The following CLEC10A variants were observed in gnomAD, a reference collection of about 807,000 sequenced individuals.
CLEC10A encodes C-type lectin domain family 10 member A.
Under a neutral mutation model 42.0 loss-of-function variants are expected in CLEC10A, and 38 were observed. The ratio of observed to expected loss-of-function variants is 0.90; its 90% CI spans 0.70 to 1.18. The LOEUF is 1.18. Among genes scored for constraint, CLEC10A ranks in the 50% most tolerant of loss-of-function variants. The pLI, the probability that CLEC10A is intolerant of heterozygous loss-of-function variation, is 0.00. For missense variants in CLEC10A, 298 were observed against 345.9 expected (o/e 0.86, Z 1.10); for synonymous variants, 126 against 139.9 (o/e 0.90, Z 0.70).
intron 5 of CLEC10A, 197 bp from the exon 6 acceptor site, chr17:7,076,268 G>T: frequency 2.3e-6 from 2 of 857,504 alleles, no homozygotes; most frequent in Non-Finnish European, 3.4e-6. Context: ...TCTCCAGCCT[G>T]CTCTCCAGAG....
At chr17:7,077,716 A>ATTC (rs1911910101) in intron 3 of CLEC10A, among the ~76,000 whole-genome samples, 1 of 53,544 alleles carries the variant, frequency 1.9e-5, no homozygotes. Context: ...CCCTACCGTT[A>ATTC]CCATCAATCA....
intron 1 of CLEC10A, among the ~76,000 whole-genome samples, chr17:7,079,288 C>T (rs887290245): frequency 2.0e-5 from 3 of 151,970 alleles, no homozygotes; most frequent in African/African-American, 7.2e-5. Context: ...GAAGTAGGAG[C>T]TGGGTGGGGG....
In CLEC10A at chr17:7,078,040, G is replaced by T; in HGVS notation, c.141C>A (p.Leu47=). Residue 47 remains leucine, a synonymous_variant, in exon 3 of 9, where the codon CTC becomes CTA. Coordinates refer to ENST00000416562, the MANE Select transcript of CLEC10A (RefSeq NM_001330070.2). ...AGATGATGACCAGCAGCAGGAGGCC[G>T]AGGCCCAGGGACAGCAGGAGATGGC... ...GPCHLLLSLG[L]GLLLLVIICV... 1 of 1,614,002 alleles carries T rather than the reference G, an allele frequency of 6.2e-7. No individual in the cohort carries two copies. Among genetic ancestry groups the T allele is most frequent in the East Asian group, 2.2e-5 (1 of 44,870 alleles).
intron 3 of CLEC10A, 146 bp from the exon 4 acceptor site, chr17:7,077,133 G>A (rs1469816894): frequency 1.4e-5 from 9 of 646,322 alleles, no homozygotes; most frequent in Non-Finnish European, 2.5e-5. Context: ...TATTGCCGAT[G>A]AGGAAACTAA....
At position 7,076,057 on chromosome 17, in the gene CLEC10A, G is replaced by C. The variant is rs1367827904; in HGVS notation, c.367C>G (p.Leu123Val). The C allele has an allele frequency of 1.9e-6, 3 of 1,614,222 alleles. No homozygotes were observed. The Admixed American group carries it at 5.0e-5, about 27-fold the overall frequency. ...TGCACCAGCTGCTGGACTCGCAGGA[G>C]CATTTCAGAATGAACTGGGACACAC... ...QERQAVHSEM[L>V]LRVQQLVQDL... is the part of the protein sequence containing the mutation. The change falls in exon 6 of 9, where the codon CTC becomes GTC. Residue 123 changes from leucine (L) to valine (V), a missense_variant. Leu to Val is a conservative substitution (Grantham distance 32). Transcript: ENST00000416562.
intron 2 of CLEC10A, among the ~76,000 whole-genome samples, 171 bp from the exon 3 acceptor site, chr17:7,078,284 C>T (rs573146287): frequency 6.6e-6 from 1 of 152,190 alleles, no homozygotes; most frequent in South Asian, 2.1e-4. Flanking sequence ...ACTTCAGGGA[C>T]CAGCACAAGT....
chr17:7,075,973 T>C lies in CLEC10A; in HGVS notation c.439+12A>G, dbSNP rs781722434. On this transcript the variant is annotated intron_variant, in intron 6 of 8. Coordinates refer to ENST00000416562, the MANE Select transcript of CLEC10A (RefSeq NM_001330070.2). ...GAAAAGTAGGGCCAGGTACTCCCCA[T>C]ACCTTCCTCACCATTGTTGTTGAGA... 6.8e-6 allele frequency: 11 copies of C among 1,614,012 alleles called. No homozygotes were observed. The East Asian group carries it at 2.2e-4, about 33-fold the overall frequency.
chr17:7,075,172 C>T lies in CLEC10A; in HGVS notation c.752G>A (p.Gly251Glu). 6.3e-7 allele frequency: 1 copy of T among 1,590,478 alleles called. No homozygotes were observed. The highest frequency in any genetic ancestry group is 1.7e-4 in the Middle Eastern group (1 of 5,986). ...ATGGAAGTGAGCACAGTCCTCGCCT[C>T]CACCCAGCCCGTGCCCCTGCCAGTC... ...PDDWQGHGLGGGEDCAHFHPD... is the reference protein window; with the variant it reads ...PDDWQGHGLGEGEDCAHFHPD... The change falls in exon 9 of 9, where the codon GGA (glycine) becomes GAA (glutamate). Residue 251 changes from glycine to glutamate, a missense_variant. Around this residue, in one of 3 missense-constraint regions of CLEC10A, gnomAD observed 267 missense variants for 289.5 expected, o/e 0.92. Transcript: ENST00000416562.
intron 3 of CLEC10A, 39 bp downstream of exon 3, chr17:7,077,958 A>C: frequency 6.8e-7 from 1 of 1,476,666 alleles, no homozygotes; most frequent in Middle Eastern, 1.7e-4. Context: ...CTTCTACCCC[A>C]TTATTTCTCT....
chr17:7,076,566 C>A (rs1911765872), intron 5 of CLEC10A, among the ~76,000 whole-genome samples, 167 bp downstream of exon 5: 1 of 151,904 alleles, frequency 6.6e-6, no homozygotes, highest in African/African-American at 2.4e-5. Context: ...CCCGCCTCGG[C>A]CTCCCAAACT....
At position 7,075,381 on chromosome 17, in the gene CLEC10A, G is replaced by A; in HGVS notation, c.680C>T (p.Thr227Ile). The A allele has an allele frequency of 6.6e-7, 1 of 1,520,214 alleles. No homozygotes were observed. The highest frequency in any genetic ancestry group is 1.3e-5 in the South Asian group (1 of 74,518). 94.2% of individuals were successfully genotyped at this position (1,520,214 alleles called of 1,614,324 possible). A position where few individuals can be genotyped will look rare whatever the true frequency, so the allele number is the denominator to read the frequency against. Residue 227 changes from threonine to isoleucine, a missense_variant, in exon 8 of 9, where the codon ACA becomes ATA. Thr to Ile is a moderately conservative substitution (Grantham distance 89). Around this residue, in one of 3 missense-constraint regions of CLEC10A, gnomAD observed 267 missense variants for 289.5 expected, o/e 0.92. Transcript: ENST00000416562. ...PEGAWKWVDG[T>I]DYATGFQNWK... ...TCACTGGAAGCCGGTCGCATAGTCTGTTCCATCCACCCACTTCCAGGCTCC... is the reference window on the plus strand; with the variant it reads ...TCACTGGAAGCCGGTCGCATAGTCTATTCCATCCACCCACTTCCAGGCTCC...
chr17:7,075,138 G>A lies in CLEC10A; in HGVS notation c.786C>T (p.Gly262=). The A allele has an allele frequency of 6.2e-7, 1 of 1,608,474 alleles. No individual in the cohort carries two copies. The highest frequency in any genetic ancestry group is 8.5e-7 in the Non-Finnish European group (1 of 1,178,366). ...GEDCAHFHPD[G]RWNDDVCQRP... Reference sequence around the variant, plus strand: ...TCTGGCAGACGTCGTCATTCCACCTGCCGTCTGGATGGAAGTGAGCACAGT... The same window carrying A: ...TCTGGCAGACGTCGTCATTCCACCTACCGTCTGGATGGAAGTGAGCACAGT... Residue 262 remains glycine, a synonymous_variant, in exon 9 of 9, where the codon GGC becomes GGT. Coordinates refer to ENST00000416562, the MANE Select transcript of CLEC10A (RefSeq NM_001330070.2).
In CLEC10A at chr17:7,076,050, C is replaced by T; in HGVS notation, c.374G>A (p.Arg125Gln). Residue 125 changes from arginine (R) to glutamine (Q), a missense_variant, in exon 6 of 9, where the codon CGA (arginine) becomes CAA (glutamine). Physicochemically the swap from Arg to Gln is conservative, Grantham distance 43 (BLOSUM62 1). This residue lies in a region of CLEC10A where 267 missense variants were observed against 289.5 expected (regional missense o/e 0.92). Coordinates refer to ENST00000416562, the MANE Select transcript of CLEC10A (RefSeq NM_001330070.2). The part of the protein sequence containing the change: ...RQAVHSEMLL[R>Q]VQQLVQDLKK... The stretch of plus-strand genomic sequence containing the variant: ...CAGGTCTTGCACCAGCTGCTGGACT[C>T]GCAGGAGCATTTCAGAATGAACTGG... 1 of 1,614,178 alleles carries T rather than the reference C, an allele frequency of 6.2e-7. No individual in the cohort carries two copies. The highest frequency in any genetic ancestry group is 8.5e-7 in the Non-Finnish European group (1 of 1,180,038).
intron 2 of CLEC10A, 70 bp downstream of exon 2, chr17:7,078,676 G>T: frequency 1.3e-6 from 2 of 1,492,472 alleles, no homozygotes; most frequent in South Asian, 1.1e-5. Context: ...TGGAGGTACA[G>T]AAATGATAGG....
chr17:7,076,657 G>T, intron 5 of CLEC10A, 76 bp downstream of exon 5: 1 of 1,509,274 alleles, frequency 6.6e-7, no homozygotes, highest in Non-Finnish European at 9.2e-7. Context: ...GGGCAGTTCA[G>T]CACCAGGAGT....
At chr17:7,075,577 T>A in intron 7 of CLEC10A, 111 bp from the exon 8 acceptor site, 1 of 1,413,014 alleles carries the variant, frequency 7.1e-7, no homozygotes, top group Non-Finnish European at 9.9e-7. Context: ...TTGGAGATGT[T>A]TCTCTGGATG....
Position 7,074,790 on chromosome 17 carries a change from A to C in CLEC10A, c.*264T>G, listed in dbSNP as rs1911617644. On this transcript the variant is annotated 3_prime_UTR_variant, in exon 9 of 9. Coordinates refer to ENST00000416562, the MANE Select transcript of CLEC10A (RefSeq NM_001330070.2). ...CTAGGCATGCATATTTGTCAAAGTC[A>C]TCTCTACTCTTTAAATGAGTGCATT... 2 of 306,218 alleles carry C rather than the reference A, an allele frequency of 6.5e-6. No individual in the cohort carries two copies. The highest frequency in any genetic ancestry group is 1.2e-5 in the Non-Finnish European group (2 of 169,226). 19.0% of individuals were successfully genotyped at this position (306,218 alleles called of 1,614,324 possible).
Position 7,075,733 on chromosome 17 carries a change from G to C in CLEC10A, c.592C>G (p.Gln198Glu), listed in dbSNP as rs753431237. The change falls in exon 7 of 9, where the codon CAG becomes GAG. Residue 198 changes from glutamine to glutamate, a missense_variant and splice_region_variant. By Grantham distance (29) the Gln-to-Glu change is conservative. Around this residue, in one of 3 missense-constraint regions of CLEC10A, gnomAD observed 267 missense variants for 289.5 expected, o/e 0.92. Coordinates refer to ENST00000416562, the MANE Select transcript of CLEC10A (RefSeq NM_001330070.2). ...HLVVINSREE[Q>E]NFVQKYLGSA... ...AACTGAGTACCAGAAGCCCTCACCTGCTCCTCCCTGGAGTTGATGACCACC... is the reference window on the plus strand; with the variant it reads ...AACTGAGTACCAGAAGCCCTCACCTCCTCCTCCCTGGAGTTGATGACCACC... 1.2e-6 allele frequency: 2 copies of C among 1,614,086 alleles called. No individual in the cohort carries two copies. Among genetic ancestry groups the C allele is most frequent in the African/African-American group, 2.7e-5 (2 of 74,922 alleles).
intron 1 of CLEC10A, 82 bp from the exon 2 acceptor site, chr17:7,078,967 T>C: frequency 1.4e-6 from 1 of 717,868 alleles, no homozygotes; most frequent in South Asian, 1.5e-5. Flanking sequence ...AGGTTGAGAA[T>C]GAGCCCAGGG....
Sources: gnomAD v4.1 joint callset for allele counts (sites outside exome capture counted in the v4.1 genomes callset) on GRCh38, gnomAD v4.1.1 for gene constraint, gnomAD v4.1.1 regional missense constraint, MANE v1.5 for transcripts, NCBI Gene and HGNC (gene_info 2026-07-23, HGNC 2026-07-21) for gene names.